Variants in SDR42E1 observed in about 807,000 individuals in gnomAD.
The protein encoded by SDR42E1 is short chain dehydrogenase/reductase family 42E, member 1.
Under a neutral mutation model 2.6 loss-of-function variants are expected in SDR42E1, and 5 were observed. The observed-to-expected ratio is 1.94, with a 90% CI of 1.01 to 4.08. SDR42E1 has a LOEUF of 4.08. Ranked by LOEUF, SDR42E1 falls within the 30% of genes most tolerant of loss-of-function variation. The pLI is 0.00. For missense variants in SDR42E1, 596 were observed against 478.6 expected (o/e 1.25, Z -2.29); for synonymous variants, 231 against 188.3 (o/e 1.23, Z -1.86).
At chr16:82,009,289 C>T (rs745974372) in intron 1 of SDR42E1, among the ~76,000 whole-genome samples, 1 of 152,216 alleles carries the variant, frequency 6.6e-6, no homozygotes, top group Non-Finnish European at 1.5e-5. Context: ...GAGCTACCAT[C>T]CTCCAGACCC....
chr16:82,010,349 G>A (rs1220373720), intron 1 of SDR42E1, among the ~76,000 whole-genome samples: 5 of 152,208 alleles, frequency 3.3e-5, no homozygotes, highest in African/African-American at 1.2e-4. Flanking sequence ...AGGACTTGAA[G>A]CCGGGTCTGT....
chr16:82,002,611 G>T (rs1912805002), intron 1 of SDR42E1, among the ~76,000 whole-genome samples: 1 of 152,014 alleles, frequency 6.6e-6, no homozygotes, highest in South Asian at 2.1e-4. Context: ...AAGCTTACCT[G>T]GATTCACACC....
At chr16:82,000,415 C>A in intron 2 of SDR42E1, 191 bp from the exon 3 acceptor site, 1 of 747,636 alleles carries the variant, frequency 1.3e-6, no homozygotes, top group Non-Finnish European at 2.3e-6. Context: ...ATCCTCTCAT[C>A]TACTTAAATT....
chr16:82,002,372 T>C (rs1028406653), intron 1 of SDR42E1, among the ~76,000 whole-genome samples: 4 of 152,152 alleles, frequency 2.6e-5, no homozygotes, highest in Non-Finnish European at 5.9e-5. Context: ...TCTGGTTGTG[T>C]GTTGTGCTAT....
rs1912446847 is a variant in SDR42E1, at chr16:81,992,352, G to T, written c.*6759C>A. ...AAAGGCACAGGACTATAAATCAGTGGAGTGGGGGTGTTGTAATTGCCCAGC... is the reference window on the plus strand; with the variant it reads ...AAAGGCACAGGACTATAAATCAGTGTAGTGGGGGTGTTGTAATTGCCCAGC... On this transcript the variant is annotated 3_prime_UTR_variant, in exon 3 of 3. Coordinates refer to ENST00000328945, the MANE Select transcript of SDR42E1 (RefSeq NM_145168.3). 1 of 152,118 alleles carries T rather than the reference G, an allele frequency of 6.6e-6. No individual in the cohort carries two copies. The highest frequency in any genetic ancestry group is 2.1e-4 in the South Asian group (1 of 4,832). 9.4% of individuals were successfully genotyped at this position (152,118 alleles called of 1,614,324 possible).
chr16:82,006,305 T>C (rs1912932366), intron 1 of SDR42E1, among the ~76,000 whole-genome samples: 1 of 152,228 alleles, frequency 6.6e-6, no homozygotes, highest in Admixed American at 6.5e-5. Context: ...GGTAACTGTA[T>C]TCTTATTATA....
rs540236718 is a variant in SDR42E1 at position 81,994,717 on chromosome 16, G to C, written c.*4394C>G. 1 of 152,354 alleles carries C rather than the reference G, an allele frequency of 6.6e-6. No homozygotes were observed. Among genetic ancestry groups the C allele is most frequent in the East Asian group, 1.9e-4 (1 of 5,178 alleles). The allele number at this position is 152,354 out of a possible 1,614,324, so 9.4% of individuals were successfully genotyped here. On this transcript the variant is annotated 3_prime_UTR_variant, in exon 3 of 3. Coordinates refer to ENST00000328945, the MANE Select transcript of SDR42E1 (RefSeq NM_145168.3). ...CCTATAATGATGTCTAATTGGGTCA[G>C]AGCTGGGGCGTGGCATTCTGCAGGC...
rs377380928 is a variant in SDR42E1, at chr16:82,000,118, G to A, written c.175C>T (p.Arg59Cys). 79 of 1,614,090 alleles carry A rather than the reference G, an allele frequency of 4.9e-5. No individual in the cohort carries two copies. Among genetic ancestry groups the A allele is most frequent in the African/African-American group, 3.6e-4 (27 of 74,926 alleles). ...GCTTTCTCTACGTCAGACAGGTGGC[G>A]GATGTCTCCTTGTATAAACTTGATT... ...EGIKFIQGDI[R>C]HLSDVEKAFQ... Residue 59 changes from arginine to cysteine, a missense_variant, in exon 3 of 3, where the codon CGC becomes TGC. By Grantham distance (180) the Arg-to-Cys change is radical. Coordinates refer to ENST00000328945, the MANE Select transcript of SDR42E1 (RefSeq NM_145168.3).
rs547806647 is a variant in SDR42E1 at position 82,008,797 on chromosome 16, C to T, written c.-27+2590G>A. Among the ~76,000 whole-genome samples the T allele has an allele frequency of 2.6e-4, 39 of 152,300 alleles. 1 individual carries two copies. Among genetic ancestry groups the T allele is most frequent in the Middle Eastern group, 6.8e-3 (2 of 294 alleles). ...TGCATAAGTAACAAGGAGCCAAATG[C>T]TAATCATCAAGACAATGGGGAAAAT... On this transcript the variant is annotated intron_variant, in intron 1 of 2. Coordinates refer to ENST00000328945, the MANE Select transcript of SDR42E1 (RefSeq NM_145168.3).
rs1912629662 is a variant in SDR42E1 at position 81,999,033 on chromosome 16, C to G, written c.*78G>C. 3 of 1,458,270 alleles carry G rather than the reference C, an allele frequency of 2.1e-6. No individual in the cohort carries two copies. The South Asian group carries it at 4.1e-5, about 20-fold the overall frequency. The allele number at this position is 1,458,270 out of a possible 1,614,324, so 90.3% of individuals were successfully genotyped here. On this transcript the variant is annotated 3_prime_UTR_variant, in exon 3 of 3. Coordinates refer to ENST00000328945, the MANE Select transcript of SDR42E1 (RefSeq NM_145168.3). ...AGAGCCAATGTTTGGCACCAGATAT[C>G]ACTGTACACATTTTAAAACCCATGT...
At position 81,995,261 on chromosome 16, in the gene SDR42E1, C is replaced by G. The variant is rs1188317590; in HGVS notation, c.*3850G>C. On this transcript the variant is annotated 3_prime_UTR_variant, in exon 3 of 3. Coordinates refer to ENST00000328945, the MANE Select transcript of SDR42E1 (RefSeq NM_145168.3). ...TGGCTTCTGCCCAGACCTCTGAGAG[C>G]ATCCCCAAGTGCACAAGTGTGAGCA... 1 of 152,302 alleles carries G rather than the reference C, an allele frequency of 6.6e-6. No individual in the cohort carries two copies. The highest frequency in any genetic ancestry group is 1.9e-4 in the East Asian group (1 of 5,196). 9.4% of individuals were successfully genotyped at this position (152,302 alleles called of 1,614,324 possible).
At chr16:82,011,268 C>G (rs1466339230) in intron 1 of SDR42E1, 119 bp downstream of exon 1, 2 of 152,266 alleles carry the variant, frequency 1.3e-5, no homozygotes, top group Non-Finnish European at 2.9e-5. Context: ...CCACCCTGCT[C>G]AGTCATTCAC....
Position 81,995,149 on chromosome 16 carries a change from TC to T in SDR42E1, c.*3961del, listed in dbSNP as rs1372585976. On this transcript the variant is annotated 3_prime_UTR_variant, in exon 3 of 3. Coordinates refer to ENST00000328945, the MANE Select transcript of SDR42E1 (RefSeq NM_145168.3). ...TACAGGGCTCCTTGTTGCTCACACA[TC>T]CTTCCTTCATTGCGACCCTCCATCA... The T allele has an allele frequency of 6.6e-6, 1 of 152,230 alleles. No homozygotes were observed. Among genetic ancestry groups the T allele is most frequent in the Non-Finnish European group, 1.5e-5 (1 of 68,082 alleles). 9.4% of individuals were successfully genotyped at this position (152,230 alleles called of 1,614,324 possible).
Position 81,999,647 on chromosome 16 carries a change from G to T in SDR42E1, c.646C>A (p.Pro216Thr). The change falls in exon 3 of 3, where the codon CCC (proline) becomes ACC (threonine). Residue 216 changes from proline (P) to threonine (T), a missense_variant. Coordinates refer to ENST00000328945, the MANE Select transcript of SDR42E1 (RefSeq NM_145168.3). Reference sequence around the variant, plus strand: ...TGGACAAACTCAACCAGGCTCCTGGGGTCCCCGTAGACAAACTTGAACAGA... The same window carrying T: ...TGGACAAACTCAACCAGGCTCCTGGTGTCCCCGTAGACAAACTTGAACAGA... ...KGLFKFVYGDPRSLVEFVHVD... is the reference protein window; with the variant it reads ...KGLFKFVYGDTRSLVEFVHVD... The T allele has an allele frequency of 6.2e-7, 1 of 1,614,164 alleles. No individual in the cohort carries two copies. Among genetic ancestry groups the T allele is most frequent in the Non-Finnish European group, 8.5e-7 (1 of 1,180,032 alleles).
chr16:82,006,029 A>T (rs1411699659), intron 1 of SDR42E1, among the ~76,000 whole-genome samples: 1 of 152,166 alleles, frequency 6.6e-6, no homozygotes, highest in Non-Finnish European at 1.5e-5. Flanking sequence ...AGAAATAAGA[A>T]CCTTTGATTA....
rs760727373 is a variant in SDR42E1 at position 82,000,879 on chromosome 16, C to T, written c.-21G>A. On this transcript the variant is annotated 5_prime_UTR_variant, in exon 2 of 3. Transcript: ENST00000328945. ...TCCATATGTGGCAGTCAAAAGATAACTGGACCTGAAGAAAGAAGTATGCAT... is the reference window on the plus strand; with the variant it reads ...TCCATATGTGGCAGTCAAAAGATAATTGGACCTGAAGAAAGAAGTATGCAT... 6.2e-7 allele frequency: 1 copy of T among 1,602,700 alleles called. No homozygotes were observed. The highest frequency in any genetic ancestry group is 8.5e-7 in the Non-Finnish European group (1 of 1,171,186).
intron 2 of SDR42E1, 46 bp downstream of exon 2, chr16:82,000,745 C>G (rs374625634): frequency 1.9e-4 from 260 of 1,401,442 alleles, no homozygotes; most frequent in Non-Finnish European, 2.5e-4. Flanking sequence ...CTTCTGGCAA[C>G]TACCAGTAAA....
At chr16:82,010,686 C>T (rs759100123) in intron 1 of SDR42E1, among the ~76,000 whole-genome samples, 2 of 152,126 alleles carry the variant, frequency 1.3e-5, no homozygotes, top group Non-Finnish European at 2.9e-5. Flanking sequence ...CTTTCCAGAC[C>T]GAAAAACATG....
At chr16:82,004,500 C>T (rs1181098614) in intron 1 of SDR42E1, among the ~76,000 whole-genome samples, 3 of 152,104 alleles carry the variant, frequency 2.0e-5, no homozygotes, top group Admixed American at 2.0e-4. Context: ...AGTTTGAATC[C>T]CATTCTTTTT....
Sources: allele counts gnomAD v4.1 joint callset (sites outside exome capture counted in the v4.1 genomes callset), GRCh38; gene constraint gnomAD v4.1.1; transcripts MANE v1.5; gene names NCBI Gene and HGNC (gene_info 2026-07-23, HGNC 2026-07-21).